CCSER1: variants seen among roughly 807,000 people sequenced by gnomAD.
CCSER1 encodes the protein serine-rich coiled-coil domain-containing protein 1.
In CCSER1, 41 loss-of-function variants were observed where a neutral mutation model predicts 82.0. The ratio of observed to expected loss-of-function variants is 0.50; its 90% CI spans 0.39 to 0.65. CCSER1 has a LOEUF of 0.65. Among genes scored for constraint, CCSER1 ranks in the 30% least tolerant of loss-of-function variants. CCSER1 has a pLI of 0.00. For synonymous variants in CCSER1, 414 were observed against 383.9 expected (o/e 1.08, Z -0.92); for missense variants, 1,119 against 1,064.2 (o/e 1.05, Z -0.72).
intron 1 of CCSER1, among the ~76,000 whole-genome samples, chr4:90,165,802 A>G (rs1168808107): frequency 6.6e-6 from 1 of 152,120 alleles, no homozygotes; most frequent in African/African-American, 2.4e-5. Flanking sequence ...AAAATTTTGC[A>G]GTGAAGTATG....
intron 10 of CCSER1, among the ~76,000 whole-genome samples, chr4:91,579,414 ACTCT>A (rs1468422203): frequency 6.6e-6 from 1 of 151,242 alleles, no homozygotes; most frequent in Admixed American, 6.6e-5. Flanking sequence ...AAGAAGAATG[ACTCT>A]CTCCCTTAGT....
intron 1 of CCSER1, among the ~76,000 whole-genome samples, chr4:90,134,498 T>C (rs1321562344): frequency 4.6e-5 from 7 of 152,348 alleles, no homozygotes; most frequent in Non-Finnish European, 2.9e-5. Context: ...TCTTACTCTA[T>C]TTAGTCAGAA....
At chr4:90,946,575 G>A (rs1220819503) in intron 9 of CCSER1, among the ~76,000 whole-genome samples, 1 of 150,574 alleles carries the variant, frequency 6.6e-6, no homozygotes, top group Non-Finnish European at 1.5e-5. Context: ...AGGTTACAGT[G>A]AGCCTAGATC....
intron 10 of CCSER1, among the ~76,000 whole-genome samples, chr4:91,323,770 G>A (rs190016613): frequency 3.3e-5 from 5 of 152,248 alleles, no homozygotes; most frequent in African/African-American, 9.6e-5. Context: ...CCTTGCTAGC[G>A]CAATGGCCTA....
chr4:91,165,188 T>C (rs1731900730), intron 10 of CCSER1, among the ~76,000 whole-genome samples: 3 of 152,146 alleles, frequency 2.0e-5, no homozygotes, highest in Admixed American at 2.0e-4. Context: ...AAGAGTCAGG[T>C]CCCTCAGCTG....
At chr4:91,117,866 ATAT>A (rs1360373815) in intron 10 of CCSER1, among the ~76,000 whole-genome samples, 2 of 152,164 alleles carry the variant, frequency 1.3e-5, no homozygotes, top group African/African-American at 2.4e-5. Context: ...ACACTGGAAA[ATAT>A]TATCCCTTAC....
chr4:91,074,369 A>G (rs773868374), intron 9 of CCSER1, among the ~76,000 whole-genome samples: 1 of 152,206 alleles, frequency 6.6e-6, no homozygotes, highest in Non-Finnish European at 1.5e-5. Context: ...GATAATGCCA[A>G]TAAGGGCAGC....
At chr4:90,361,482 A>T (rs1024637868) in intron 3 of CCSER1, among the ~76,000 whole-genome samples, 2 of 152,256 alleles carry the variant, frequency 1.3e-5, no homozygotes, top group Admixed American at 6.5e-5. Context: ...AAATTGACTT[A>T]GAAAACACTC....
intron 4 of CCSER1, among the ~76,000 whole-genome samples, chr4:90,453,280 T>C (rs1761726694): frequency 6.6e-6 from 1 of 152,172 alleles, no homozygotes; most frequent in Non-Finnish European, 1.5e-5. Flanking sequence ...TAGCAGGTTA[T>C]AGGAATTGGG....
At chr4:91,219,067 C>T (rs1182200126) in intron 10 of CCSER1, among the ~76,000 whole-genome samples, 3 of 152,098 alleles carry the variant, frequency 2.0e-5, no homozygotes, top group African/African-American at 7.2e-5. Context: ...TCAGGCAAGC[C>T]TAAATATTCC....
intron 10 of CCSER1, among the ~76,000 whole-genome samples, chr4:91,203,864 A>G (rs1412033582): frequency 6.6e-6 from 1 of 151,840 alleles, no homozygotes. Flanking sequence ...AGTTCATTAG[A>G]TCTGAGAGTT....
At chr4:90,232,259 C>T (rs369451133) in intron 1 of CCSER1, among the ~76,000 whole-genome samples, 74 of 151,368 alleles carry the variant, frequency 4.9e-4, no homozygotes, top group African/African-American at 1.4e-3. Context: ...AGCATGGTAC[C>T]GGTACCAAAA....
At chr4:90,942,231 G>T (rs1004959371) in intron 9 of CCSER1, among the ~76,000 whole-genome samples, 1 of 152,108 alleles carries the variant, frequency 6.6e-6, no homozygotes, top group Non-Finnish European at 1.5e-5. Context: ...GGGATTACAG[G>T]TGTGAGCCAC....
intron 10 of CCSER1, among the ~76,000 whole-genome samples, chr4:91,165,694 G>C (rs768815920): frequency 6.6e-6 from 1 of 152,238 alleles, no homozygotes; most frequent in Non-Finnish European, 1.5e-5. Flanking sequence ...AGACTGCTGC[G>C]CTAGCAGTCA....
chr4:91,454,072 G>A (rs568278304), intron 10 of CCSER1, among the ~76,000 whole-genome samples: 4 of 152,130 alleles, frequency 2.6e-5, no homozygotes, highest in Middle Eastern at 3.4e-3. Flanking sequence ...ATGGTTTAAC[G>A]TTCAGAGGTA....
intron 10 of CCSER1, among the ~76,000 whole-genome samples, chr4:91,255,948 A>G (rs1160402914): frequency 6.6e-6 from 1 of 152,324 alleles, no homozygotes. Flanking sequence ...GGCACCTTGA[A>G]AAAGGAACAG....
At chr4:91,463,920 CA>C (rs1197746949) in intron 10 of CCSER1, among the ~76,000 whole-genome samples, 1 of 152,116 alleles carries the variant, frequency 6.6e-6, no homozygotes, top group Non-Finnish European at 1.5e-5. Flanking sequence ...ACCAAGTTGG[CA>C]AACACTCTGC....
intron 7 of CCSER1, among the ~76,000 whole-genome samples, chr4:90,751,222 T>A (rs960373519): frequency 2.6e-5 from 4 of 152,180 alleles, no homozygotes; most frequent in African/African-American, 9.6e-5. Context: ...CTTATGAGTT[T>A]GTTTTAAAGC....
At chr4:90,926,246 C>CA (rs1729050170) in intron 9 of CCSER1, among the ~76,000 whole-genome samples, 3 of 151,852 alleles carry the variant, frequency 2.0e-5, no homozygotes, top group Admixed American at 1.3e-4. Context: ...TTATAACTTG[C>CA]AAATTGTGTT....
Sources: allele counts gnomAD v4.1 joint callset (sites outside exome capture counted in the v4.1 genomes callset), GRCh38; gene constraint gnomAD v4.1.1; transcripts MANE v1.5; gene names NCBI Gene and HGNC (gene_info 2026-07-23, HGNC 2026-07-21).